KYAT3: variants seen among roughly 807,000 people sequenced by gnomAD.
KYAT3 encodes the protein kynurenine--oxoglutarate transaminase 3.
KYAT3 carries 50 observed loss-of-function variants against 59.0 expected under a neutral mutation model. The ratio of observed to expected loss-of-function variants is 0.85; its 90% CI spans 0.68 to 1.07. The LOEUF (loss-of-function observed/expected upper bound fraction) is 1.07, where lower values mean the gene tolerates loss of function less well. Among genes scored for constraint, KYAT3 ranks in the 50% least tolerant of loss-of-function variants. KYAT3 has a pLI of 0.00. For synonymous variants in KYAT3, 148 were observed against 177.0 expected, an observed-to-expected ratio of 0.84 and a Z score of 1.30; for missense variants, 497 against 533.3, an observed-to-expected ratio of 0.93 and a Z score of 0.67.
At chr1:88,990,592 C>T (rs1258350413) in intron 1 of KYAT3, among the ~76,000 whole-genome samples, 1 of 152,192 alleles carries the variant, frequency 6.6e-6, no homozygotes, top group Non-Finnish European at 1.5e-5. Flanking sequence ...TCTCATTTAT[C>T]TCCTGCCTCT....
intron 2 of KYAT3, among the ~76,000 whole-genome samples, chr1:88,986,862 A>C (rs1677487050): frequency 6.6e-6 from 1 of 152,302 alleles, no homozygotes; most frequent in Non-Finnish European, 1.5e-5. Flanking sequence ...TCATTCGTCC[A>C]GCAATAGGAA....
chr1:88,981,069 C>T (rs1343986723), intron 2 of KYAT3: 1 of 152,116 alleles, frequency 6.6e-6, no homozygotes, highest in East Asian at 1.9e-4. Context: ...CTCTAGTCTC[C>T]AAAGCAATAA....
At chr1:88,922,716 T>C in the KYAT3 span, among the ~76,000 whole-genome samples, 1 of 152,222 alleles carries the variant, frequency 6.6e-6, no homozygotes, top group Non-Finnish European at 1.5e-5. Flanking sequence ...TGGTGACTGC[T>C]GACTTAAGAT....
At chr1:88,938,822 A>G (rs553734514) in intron 13 of KYAT3, among the ~76,000 whole-genome samples, 7 of 152,316 alleles carry the variant, frequency 4.6e-5, no homozygotes, top group Admixed American at 3.9e-4. Flanking sequence ...ATGTAGCATC[A>G]TTTATTCAAG....
intron 13 of KYAT3, among the ~76,000 whole-genome samples, chr1:88,940,801 C>T (rs879669210): frequency 4.6e-5 from 7 of 152,106 alleles, no homozygotes; most frequent in South Asian, 2.1e-4. Context: ...ATGTTTTTGC[C>T]GTTTCCTCCA....
At chr1:88,952,669 T>C (rs1675728345) in intron 10 of KYAT3, among the ~76,000 whole-genome samples, 1 of 152,188 alleles carries the variant, frequency 6.6e-6, no homozygotes. Context: ...GTAAACCTCT[T>C]TTCTTTATAA....
At chr1:88,925,499 T>A in the KYAT3 span, among the ~76,000 whole-genome samples, 1 of 152,252 alleles carries the variant, frequency 6.6e-6, no homozygotes, top group East Asian at 1.9e-4. Flanking sequence ...CTGAGGCATC[T>A]AGACATAAAC....
intron 2 of KYAT3, among the ~76,000 whole-genome samples, chr1:88,976,019 G>A (rs1251016844): frequency 6.7e-6 from 1 of 150,352 alleles, no homozygotes; most frequent in Non-Finnish European, 1.5e-5. Flanking sequence ...GGGTGACAGA[G>A]CGAGACTCCA....
the KYAT3 span, among the ~76,000 whole-genome samples, chr1:88,924,534 C>T: frequency 6.6e-6 from 1 of 152,254 alleles, no homozygotes; most frequent in Non-Finnish European, 1.5e-5. Flanking sequence ...TTCCAGGCAA[C>T]TGCCTTTGGG....
rs1255353798 is a variant in KYAT3, at chr1:88,962,126, A to G, written c.473T>C (p.Phe158Ser). The change falls in exon 6 of 14, where the codon TTC (phenylalanine) becomes TCC (serine). Residue 158 changes from phenylalanine (F) to serine (S), a missense_variant. This residue lies in a region of KYAT3 where 469 missense variants were observed against 479.1 expected (regional missense o/e 0.98). Coordinates refer to ENST00000260508, the MANE Select transcript of KYAT3 (RefSeq NM_001008661.3). ...EGDEVILIVP[F>S]YDCYEPMVRM... ...CACCATGGGCTCATAGCAGTCATAG[A>G]AAGGCACTATTAGTATGACCTGCAA... 6.2e-7 allele frequency: 1 copy of G among 1,613,198 alleles called. No individual in the cohort carries two copies. The highest frequency in any genetic ancestry group is 8.5e-7 in the Non-Finnish European group (1 of 1,179,134).
At chr1:88,937,541 T>A (rs1283391840) in intron 13 of KYAT3, among the ~76,000 whole-genome samples, 2 of 152,196 alleles carry the variant, frequency 1.3e-5, no homozygotes, top group African/African-American at 4.8e-5. Flanking sequence ...CATTGATACA[T>A]ATGAATAAGT....
At chr1:88,965,084 GT>G in intron 4 of KYAT3, 106 bp from the exon 5 acceptor site, 1 of 820,386 alleles carries the variant, frequency 1.2e-6, no homozygotes, top group Non-Finnish European at 1.9e-6. Context: ...TGGATTTGAT[GT>G]TTATAATTAC....
At chr1:88,923,152 G>T in the KYAT3 span, among the ~76,000 whole-genome samples, 1 of 152,310 alleles carries the variant, frequency 6.6e-6, no homozygotes, top group East Asian at 1.9e-4. Context: ...AAAACCATAT[G>T]ACTTAGGCTT....
At chr1:88,940,528 G>A (rs953164472) in intron 13 of KYAT3, among the ~76,000 whole-genome samples, 13 of 151,714 alleles carry the variant, frequency 8.6e-5, no homozygotes, top group Non-Finnish European at 1.9e-4. Context: ...GGAGAAGCTG[G>A]GGCAGCACCA....
rs746931600 is a variant in KYAT3, at chr1:88,964,920, T to G, written c.362A>C (p.Gln121Pro). 2 of 1,610,762 alleles carry G rather than the reference T, an allele frequency of 1.2e-6. No individual in the cohort carries two copies. Among genetic ancestry groups the G allele is most frequent in the Non-Finnish European group, 1.7e-6 (2 of 1,178,808 alleles). Reference protein sequence around the residue: ...SYLYEKLYQKQIDSNKEILVT... With the variant: ...SYLYEKLYQKPIDSNKEILVT... ...AAGGATTTCTTTATTTGAATCAATTTGCTTTTGATAAAGCTTTTCATACAG... is the reference window on the plus strand; with the variant it reads ...AAGGATTTCTTTATTTGAATCAATTGGCTTTTGATAAAGCTTTTCATACAG... The change falls in exon 5 of 14, where the codon CAA becomes CCA. Residue 121 changes from glutamine (Q) to proline (P), a missense_variant. By Grantham distance (76) the Gln-to-Pro change is moderately conservative. This residue lies in a region of KYAT3 where 469 missense variants were observed against 479.1 expected (regional missense o/e 0.98). Coordinates refer to ENST00000260508, the MANE Select transcript of KYAT3 (RefSeq NM_001008661.3).
chr1:88,963,403 T>C (rs1676224671), intron 5 of KYAT3, among the ~76,000 whole-genome samples: 1 of 152,232 alleles, frequency 6.6e-6, no homozygotes. Flanking sequence ...TCCTTAAACA[T>C]CTTGTCTGGC....
At chr1:88,956,109 A>G (rs1200760549) in intron 8 of KYAT3, among the ~76,000 whole-genome samples, 3 of 152,160 alleles carry the variant, frequency 2.0e-5, no homozygotes, top group Non-Finnish European at 4.4e-5. Flanking sequence ...TTTTCTCCGT[A>G]AGGAACATCA....
the KYAT3 span, among the ~76,000 whole-genome samples, chr1:88,925,059 C>T: frequency 3.9e-5 from 6 of 152,152 alleles, no homozygotes; most frequent in Non-Finnish European, 5.9e-5. Flanking sequence ...ACTTCCAAAG[C>T]GGTGAGTAAT....
At chr1:88,957,415 T>G (rs2101038957) in intron 8 of KYAT3, among the ~76,000 whole-genome samples, 1 of 152,254 alleles carries the variant, frequency 6.6e-6, no homozygotes, top group South Asian at 2.1e-4. Flanking sequence ...TCCTTTAAAG[T>G]AAAGGATACA....
Sources: gnomAD v4.1 joint callset for allele counts (sites outside exome capture counted in the v4.1 genomes callset) on GRCh38, gnomAD v4.1.1 for gene constraint, gnomAD v4.1.1 regional missense constraint, MANE v1.5 for transcripts, NCBI Gene and HGNC (gene_info 2026-07-23, HGNC 2026-07-21) for gene names.